The following RIC1 variants were observed in gnomAD, a reference collection of about 807,000 sequenced individuals.
The protein encoded by RIC1 is RIC1 partner of RAB6A GEF complex.
A neutral mutation model predicts 169.0 loss-of-function variants in RIC1; 88 were observed. That is an observed-to-expected ratio of 0.52 (90% CI 0.44 to 0.62). The LOEUF is 0.62. Among genes scored for constraint, RIC1 ranks in the 20% least tolerant of loss-of-function variants. The probability of loss-of-function intolerance (pLI) is 0.00; values close to 1 mark genes in which losing one functional copy is unlikely to be tolerated. For missense variants in RIC1, 1,877 were observed against 1,725.5 expected (o/e 1.09, Z -1.56); for synonymous variants, 790 against 601.5 (o/e 1.31, Z -4.59).
At chr9:5,753,454 G>C in intron 13 of RIC1, 82 bp from the exon 14 acceptor site, 1 of 893,370 alleles carries the variant, frequency 1.1e-6, no homozygotes, top group South Asian at 1.6e-5. Context: ...TTGTCTGTTT[G>C]CCTGACACAA....
intron 2 of RIC1, among the ~76,000 whole-genome samples, chr9:5,664,454 CTT>C (rs960611945): frequency 7.2e-5 from 11 of 151,838 alleles, no homozygotes; most frequent in Admixed American, 2.6e-4. Flanking sequence ...TCTCTTCTGG[CTT>C]TTAGGGTTTT....
In RIC1 at chr9:5,763,878, CTCT is replaced by C. The variant is rs1563717836; in HGVS notation, c.2841+15_2841+17del. The stretch of plus-strand genomic sequence containing the variant: ...CCTTATTATCTTACAGGTAACAATT[CTCT>C]TCTTATAAAGGGGCAAGAATTAATG... On this transcript the variant is annotated intron_variant, in intron 19 of 25. Transcript: ENST00000414202. This position sits in a 1 kb window ranked among gnomAD's most constrained non-coding sequence, Gnocchi z 5.2. 3 of 1,593,744 alleles carry C rather than the reference CTCT, an allele frequency of 1.9e-6. No individual in the cohort carries two copies. The highest frequency in any genetic ancestry group is 2.7e-5 in the African/African-American group (2 of 74,238).
intron 2 of RIC1, among the ~76,000 whole-genome samples, chr9:5,675,039 C>T (rs1028468721): frequency 2.6e-5 from 4 of 151,578 alleles, no homozygotes; most frequent in Admixed American, 1.3e-4. Flanking sequence ...TAGAGGGGTG[C>T]GCCCTTACAG....
rs1025664879 is a variant in RIC1, at chr9:5,775,434, A to G, written c.*1188A>G. On this transcript the variant is annotated 3_prime_UTR_variant, in exon 26 of 26. Coordinates refer to ENST00000414202, the MANE Select transcript of RIC1 (RefSeq NM_020829.4). ...CACTGTATGTAATTCTAATTACCTTATAACAGTATTAAGACAGCTTGTTTG... is the reference window on the plus strand; with the variant it reads ...CACTGTATGTAATTCTAATTACCTTGTAACAGTATTAAGACAGCTTGTTTG... 3 of 152,246 alleles carry G rather than the reference A, an allele frequency of 2.0e-5. No homozygotes were observed. Among genetic ancestry groups the G allele is most frequent in the Non-Finnish European group, 1.5e-5 (1 of 68,044 alleles). 9.4% of individuals were successfully genotyped at this position (152,246 alleles called of 1,614,324 possible). A position where few individuals can be genotyped will look rare whatever the true frequency, so the allele number is the denominator to read the frequency against.
At position 5,775,767 on chromosome 9, in the gene RIC1, C is replaced by A. The variant is rs981212774; in HGVS notation, c.*1521C>A. 1 of 152,142 alleles carries A rather than the reference C, an allele frequency of 6.6e-6. No individual in the cohort carries two copies. Among genetic ancestry groups the A allele is most frequent in the African/African-American group, 2.4e-5 (1 of 41,438 alleles). The allele number at this position is 152,142 out of a possible 1,614,324, so 9.4% of individuals were successfully genotyped here. On this transcript the variant is annotated 3_prime_UTR_variant, in exon 26 of 26. Coordinates refer to ENST00000414202, the MANE Select transcript of RIC1 (RefSeq NM_020829.4). ...ATTACTGAGTTGGGTAATTTACTAT[C>A]ATTTACTTTTTACATTACAAGTGCA...
intron 2 of RIC1, among the ~76,000 whole-genome samples, chr9:5,672,260 G>A (rs1820151762): frequency 6.6e-6 from 1 of 152,160 alleles, no homozygotes; most frequent in South Asian, 2.1e-4. Flanking sequence ...AAACCACTAA[G>A]GGAGCTCATT....
At chr9:5,756,692 G>A (rs566810684) in intron 16 of RIC1, among the ~76,000 whole-genome samples, 5 of 152,070 alleles carry the variant, frequency 3.3e-5, no homozygotes, top group Admixed American at 3.3e-4. Context: ...TGGTGCTCTC[G>A]ATACTTGGTG....
chr9:5,691,625 A>T (rs1426762913), intron 3 of RIC1, among the ~76,000 whole-genome samples: 1 of 151,890 alleles, frequency 6.6e-6, no homozygotes, highest in Non-Finnish European at 1.5e-5. Context: ...TGAAAAAAGA[A>T]TTTTTTTGCA....
In RIC1 at chr9:5,773,999, T is replaced by A; in HGVS notation, c.4025T>A (p.Leu1342Gln). Reference sequence around the variant, plus strand: ...TTTTTAAACATCATTAAGCCACAACTGCAGAAGCTCAGTGAGATAACAGAA... The same window carrying A: ...TTTTTAAACATCATTAAGCCACAACAGCAGAAGCTCAGTGAGATAACAGAA... ...KPFLNIIKPQ[L>Q]QKLSEITEEQ... The change falls in exon 26 of 26, where the codon CTG becomes CAG. Residue 1342 changes from leucine (L) to glutamine (Q), a missense_variant. Physicochemically the swap from Leu to Gln is moderately radical, Grantham distance 113 (BLOSUM62 -2). Transcript: ENST00000414202. The A allele has an allele frequency of 2.5e-6, 4 of 1,612,926 alleles. No homozygotes were observed. Among genetic ancestry groups the A allele is most frequent in the Non-Finnish European group, 3.4e-6 (4 of 1,179,576 alleles).
At chr9:5,680,546 T>A (rs12236528) in intron 2 of RIC1, among the ~76,000 whole-genome samples, 49,034 of 151,958 alleles carry the variant, frequency 0.32, 8,583 homozygotes, top group East Asian at 0.61. Context: ...TCAGAGATTC[T>A]GCTTCTTCCT....
intron 3 of RIC1, among the ~76,000 whole-genome samples, chr9:5,699,740 A>G (rs1017184208): frequency 1.3e-5 from 2 of 152,138 alleles, no homozygotes. Flanking sequence ...GAGATTTACA[A>G]CACTTTCTGA....
At chr9:5,767,368 T>C (rs575415186) in intron 21 of RIC1, among the ~76,000 whole-genome samples, 2 of 152,324 alleles carry the variant, frequency 1.3e-5, no homozygotes, top group Admixed American at 1.3e-4. Flanking sequence ...CATTATAAAA[T>C]CATGAGAATT....
chr9:5,638,728 A>G (rs561713290), intron 1 of RIC1, among the ~76,000 whole-genome samples: 1 of 152,018 alleles, frequency 6.6e-6, no homozygotes, highest in African/African-American at 2.4e-5. Flanking sequence ...TTTCTCTTTT[A>G]AGGTTTGTCA....
intron 1 of RIC1, among the ~76,000 whole-genome samples, chr9:5,655,518 C>T (rs556424879): frequency 7.2e-5 from 11 of 152,262 alleles, no homozygotes; most frequent in South Asian, 4.1e-4. Flanking sequence ...CCAGGCTGGT[C>T]GCAAACTCCT....
chr9:5,722,294 A>G (rs1025252269), intron 6 of RIC1, among the ~76,000 whole-genome samples: 15 of 136,874 alleles, frequency 1.1e-4, no homozygotes, highest in Non-Finnish European at 2.2e-4. Context: ...GAACTATATC[A>G]CTTAAGGATG....
intron 2 of RIC1, among the ~76,000 whole-genome samples, chr9:5,689,509 T>C (rs979704654): frequency 6.6e-6 from 1 of 152,204 alleles, no homozygotes; most frequent in African/African-American, 2.4e-5. Flanking sequence ...AATATATAAA[T>C]ATGCTGTTCT....
chr9:5,724,534 A>G (rs994710074), intron 6 of RIC1, among the ~76,000 whole-genome samples: 59 of 152,292 alleles, frequency 3.9e-4, no homozygotes, highest in South Asian at 8.3e-4. Flanking sequence ...CTCTTTTCCT[A>G]ATTGAATACC....
At chr9:5,772,140 C>A (rs1827265816) in intron 23 of RIC1, among the ~76,000 whole-genome samples, 1 of 152,170 alleles carries the variant, frequency 6.6e-6, no homozygotes. Context: ...GATGTTCCCC[C>A]ACCCTCTCCT....
chr9:5,725,816 A>C (rs1476098598), intron 6 of RIC1, among the ~76,000 whole-genome samples: 1 of 151,634 alleles, frequency 6.6e-6, no homozygotes, highest in Non-Finnish European at 1.5e-5. Flanking sequence ...TTCGTTATGT[A>C]CCCAGTAGTC....
Sources: gnomAD v4.1 joint callset for allele counts (sites outside exome capture counted in the v4.1 genomes callset) on GRCh38, gnomAD v4.1.1 for gene constraint, Gnocchi (gnomAD v3.1) non-coding constraint, MANE v1.5 for transcripts, NCBI Gene and HGNC (gene_info 2026-07-23, HGNC 2026-07-21) for gene names.